MYT1L: variants seen among roughly 807,000 people sequenced by gnomAD.
MYT1L encodes myelin transcription factor 1 like, also known as myelin transcription factor 1-like protein.
In MYT1L, 12 loss-of-function variants were observed where a neutral mutation model predicts 126.7. That is an observed-to-expected ratio of 0.09 (90% CI 0.06 to 0.15). The LOEUF is 0.15. Among genes scored for constraint, MYT1L ranks in the 10% least tolerant of loss-of-function variants. The pLI is 1.00. For synonymous variants in MYT1L, 541 were observed against 604.2 expected (o/e 0.90, Z 1.53); for missense variants, 979 against 1,585.2 (o/e 0.62, Z 6.49).
intron 3 of MYT1L, among the ~76,000 whole-genome samples, chr2:2,103,247 A>G (rs1344944502): frequency 6.6e-6 from 1 of 152,224 alleles, no homozygotes; most frequent in Non-Finnish European, 1.5e-5. Flanking sequence ...ATGGGCCCAA[A>G]TTTGAAAAAT....
At chr2:1,975,237 C>G (rs1456457791) in intron 8 of MYT1L, among the ~76,000 whole-genome samples, 1 of 152,218 alleles carries the variant, frequency 6.6e-6, no homozygotes, top group Non-Finnish European at 1.5e-5. Context: ...GCGTGGCTCA[C>G]CAAACAGACT....
chr2:2,153,772 G>A (rs1026623082), intron 3 of MYT1L, among the ~76,000 whole-genome samples: 1 of 152,182 alleles, frequency 6.6e-6, no homozygotes. Flanking sequence ...GACTCTCTGA[G>A]TGGGTTTCCA....
At chr2:2,261,028 A>T (rs1162875803) in intron 2 of MYT1L, among the ~76,000 whole-genome samples, 1 of 152,206 alleles carries the variant, frequency 6.6e-6, no homozygotes, top group Non-Finnish European at 1.5e-5. Context: ...TTGAGCACCA[A>T]CAAATCCTGT....
At chr2:1,868,768 TC>T (rs912954727) in intron 18 of MYT1L, among the ~76,000 whole-genome samples, 2 of 151,822 alleles carry the variant, frequency 1.3e-5, no homozygotes, top group South Asian at 2.1e-4. Flanking sequence ...GGCTCCCTCC[TC>T]CCCCCTCCTC....
At chr2:2,117,815 G>C (rs891439624) in intron 3 of MYT1L, among the ~76,000 whole-genome samples, 1 of 152,138 alleles carries the variant, frequency 6.6e-6, no homozygotes, top group Admixed American at 6.5e-5. Flanking sequence ...GAGAGAGGAA[G>C]AAACTGGAGA....
intron 3 of MYT1L, among the ~76,000 whole-genome samples, chr2:2,081,246 T>C (rs1391349130): frequency 3.9e-5 from 6 of 152,206 alleles, no homozygotes; most frequent in Non-Finnish European, 8.8e-5. Context: ...TCCTGTTCTG[T>C]AGAGAGAGCA....
chr2:2,087,471 G>A (rs887339081), intron 3 of MYT1L, among the ~76,000 whole-genome samples: 1 of 152,160 alleles, frequency 6.6e-6, no homozygotes, highest in Admixed American at 6.5e-5. Context: ...CACCCAGGAG[G>A]GGCCCTGCAG....
intron 2 of MYT1L, among the ~76,000 whole-genome samples, chr2:2,208,409 G>A (rs906030031): frequency 5.9e-5 from 9 of 152,028 alleles, no homozygotes; most frequent in South Asian, 2.1e-4. Flanking sequence ...CCAGCAGTTC[G>A]GCAGGACATC....
At chr2:2,185,418 T>C (rs1399109935) in intron 2 of MYT1L, among the ~76,000 whole-genome samples, 1 of 152,248 alleles carries the variant, frequency 6.6e-6, no homozygotes, top group Non-Finnish European at 1.5e-5. Flanking sequence ...TTCACCTGAT[T>C]GGCCTCCACA....
chr2:2,120,854 G>A (rs1406959770), intron 3 of MYT1L, among the ~76,000 whole-genome samples: 4 of 151,164 alleles, frequency 2.6e-5, no homozygotes, highest in Admixed American at 6.6e-5. Flanking sequence ...AGCGACCACC[G>A]AAGATTCCTA....
chr2:2,319,814 C>T (rs187936098), intron 1 of MYT1L, among the ~76,000 whole-genome samples: 4 of 151,812 alleles, frequency 2.6e-5, no homozygotes, highest in African/African-American at 4.8e-5. Context: ...CATTACCTGA[C>T]TTTTTGTGGG....
chr2:1,902,380 C>T (rs921930973), intron 14 of MYT1L, among the ~76,000 whole-genome samples: 8 of 152,214 alleles, frequency 5.3e-5, no homozygotes, highest in South Asian at 2.1e-4. Flanking sequence ...ACGGCTCTGC[C>T]GGCAGCACCC....
At chr2:2,090,791 G>A (rs926066237) in intron 3 of MYT1L, among the ~76,000 whole-genome samples, 1 of 152,160 alleles carries the variant, frequency 6.6e-6, no homozygotes, top group African/African-American at 2.4e-5. Context: ...CTGGGCTTAT[G>A]TAATATTCTA....
intron 18 of MYT1L, among the ~76,000 whole-genome samples, chr2:1,886,010 G>A (rs915225254): frequency 6.6e-6 from 1 of 152,236 alleles, no homozygotes; most frequent in African/African-American, 2.4e-5. Context: ...AGAATGATGT[G>A]TGTCTGGTTG....
intron 2 of MYT1L, among the ~76,000 whole-genome samples, chr2:2,248,712 T>C (rs2094580179): frequency 6.6e-6 from 1 of 152,062 alleles, no homozygotes; most frequent in Non-Finnish European, 1.5e-5. Flanking sequence ...GCAAGGATGG[T>C]TCAACATTTA....
rs994863884 is a variant in MYT1L, at chr2:2,224,953, C to T, written c.-420-51965G>A. 2.6e-5 allele frequency among the ~76,000 whole-genome samples: 4 copies of T among 152,126 alleles called. No homozygotes were observed. The highest frequency in any genetic ancestry group is 5.9e-5 in the Non-Finnish European group (4 of 68,022). On this transcript the variant is annotated intron_variant, in intron 2 of 24. Coordinates refer to ENST00000647738, the MANE Select transcript of MYT1L (RefSeq NM_001303052.2). This position sits in a 1 kb window ranked among gnomAD's most constrained non-coding sequence, Gnocchi z 4.0. Reference sequence around the variant, plus strand: ...TCATGCTTGTTTGCTGGGCTCCACGCTGGGTTTGAGGTTCTGTCACCGTCT... The same window carrying T: ...TCATGCTTGTTTGCTGGGCTCCACGTTGGGTTTGAGGTTCTGTCACCGTCT...
intron 3 of MYT1L, among the ~76,000 whole-genome samples, chr2:2,131,905 CTTTTTTTTTTT>C (rs58810405): frequency 1.8e-5 from 2 of 111,088 alleles, no homozygotes; most frequent in East Asian, 2.9e-4. Flanking sequence ...AGAGTTCATC[CTTTTTTTTTTT>C]TTTTTTTTTT....
At chr2:2,254,088 TACTC>T (rs1338059801) in intron 2 of MYT1L, among the ~76,000 whole-genome samples, 4 of 152,182 alleles carry the variant, frequency 2.6e-5, no homozygotes, top group Admixed American at 6.5e-5. Context: ...GCCGTGGCGT[TACTC>T]ACAGAATTCT....
At position 1,858,003 on chromosome 2, in the gene MYT1L, C is replaced by T. The variant is rs115794122; in HGVS notation, c.2712-6300G>A. ...TCAGCCTTCCCAGCAGCTGGGATTACGGGCATGCACCACCATACCCAGCTA... is the reference window on the plus strand; with the variant it reads ...TCAGCCTTCCCAGCAGCTGGGATTATGGGCATGCACCACCATACCCAGCTA... On this transcript the variant is annotated intron_variant, in intron 18 of 24. Transcript: ENST00000647738. 5.4e-3 allele frequency among the ~76,000 whole-genome samples: 824 copies of T among 152,192 alleles called. 8 individuals carry two copies. The highest frequency in any genetic ancestry group is 8.0e-3 in the Non-Finnish European group (545 of 68,024).
Sources: gnomAD v4.1 joint callset for allele counts (sites outside exome capture counted in the v4.1 genomes callset) on GRCh38, gnomAD v4.1.1 for gene constraint, Gnocchi (gnomAD v3.1) non-coding constraint, MANE v1.5 for transcripts, NCBI Gene and HGNC (gene_info 2026-07-23, HGNC 2026-07-21) for gene names.